Variants in FGF5 observed in about 807,000 individuals in gnomAD.
FGF5 encodes fibroblast growth factor 5.
FGF5 carries 23 observed loss-of-function variants against 21.8 expected under a neutral mutation model. The ratio of observed to expected loss-of-function variants is 1.05; its 90% confidence interval spans 0.76 to 1.49. FGF5 has a LOEUF of 1.49. FGF5 is among the 40% of genes most tolerant of loss of function. The pLI is 0.00. For missense variants in FGF5, 352 were observed against 332.9 expected (o/e 1.06, Z -0.45); for synonymous variants, 158 against 124.0 (o/e 1.27, Z -1.82).
At position 80,290,476 on chromosome 4, in the gene FGF5, A is replaced by G. The variant is rs1720868924; in HGVS notation, c.*3804A>G. The G allele has an allele frequency of 6.6e-6, 1 of 152,176 alleles. No individual in the cohort carries two copies. The highest frequency in any genetic ancestry group is 6.5e-5 in the Admixed American group (1 of 15,272). 9.4% of individuals were successfully genotyped at this position (152,176 alleles called of 1,614,324 possible). A position where few individuals can be genotyped will look rare whatever the true frequency, so the allele number is the denominator to read the frequency against. Reference sequence around the variant, plus strand: ...AAGTCTCAGGGGAGAAAAGGGAACAAGATGCTGATCCAACCTGAGTGGAGT... The same window carrying G: ...AAGTCTCAGGGGAGAAAAGGGAACAGGATGCTGATCCAACCTGAGTGGAGT... On this transcript the variant is annotated 3_prime_UTR_variant, in exon 3 of 3. Transcript: ENST00000312465.
intron 2 of FGF5, among the ~76,000 whole-genome samples, chr4:80,283,269 G>A (rs1413073432): frequency 7.3e-6 from 1 of 136,238 alleles, no homozygotes; most frequent in African/African-American, 2.7e-5. Context: ...TAGATCCTTA[G>A]AACTCTACAC....
At chr4:80,283,295 A>C (rs1218507138) in intron 2 of FGF5, among the ~76,000 whole-genome samples, 1 of 152,134 alleles carries the variant, frequency 6.6e-6, no homozygotes, top group Non-Finnish European at 1.5e-5. Flanking sequence ...TACCCTGGGT[A>C]ACAGTTAGGT....
intron 2 of FGF5, among the ~76,000 whole-genome samples, chr4:80,282,339 A>G (rs1207045250): frequency 1.3e-5 from 2 of 151,982 alleles, no homozygotes; most frequent in Non-Finnish European, 2.9e-5. Context: ...AAATAGTTCG[A>G]TTTGTTTAAA....
At position 80,289,614 on chromosome 4, in the gene FGF5, GA is replaced by G; in HGVS notation, c.*2943del. ...AATTATATTATGTTTAATTATTTAA[GA>G]TTTCTTTATGTGGAACATCTATAGA... On this transcript the variant is annotated 3_prime_UTR_variant, in exon 3 of 3. Coordinates refer to ENST00000312465, the MANE Select transcript of FGF5 (RefSeq NM_004464.4). The G allele has an allele frequency of 6.6e-6, 1 of 152,072 alleles. No homozygotes were observed. The highest frequency in any genetic ancestry group is 1.9e-4 in the East Asian group (1 of 5,182). 9.4% of individuals were successfully genotyped at this position (152,072 alleles called of 1,614,324 possible).
In FGF5 at chr4:80,290,362, G is replaced by T. The variant is rs936407539; in HGVS notation, c.*3690G>T. 1 of 151,888 alleles carries T rather than the reference G, an allele frequency of 6.6e-6. No individual in the cohort carries two copies. The highest frequency in any genetic ancestry group is 2.4e-5 in the African/African-American group (1 of 41,344). The allele number at this position is 151,888 out of a possible 1,614,324, so 9.4% of individuals were successfully genotyped here. On this transcript the variant is annotated 3_prime_UTR_variant, in exon 3 of 3. Coordinates refer to ENST00000312465, the MANE Select transcript of FGF5 (RefSeq NM_004464.4). Reference sequence around the variant, plus strand: ...ATTTTTTTTTGTAGTCAATCCAACTGTACTGGCCAATTTTTGAAATAAGAT... The same window carrying T: ...ATTTTTTTTTGTAGTCAATCCAACTTTACTGGCCAATTTTTGAAATAAGAT...
At position 80,269,602 on chromosome 4, in the gene FGF5, G is replaced by A. The variant is rs146014462; in HGVS notation, c.355+2423G>A. Among the ~76,000 whole-genome samples, 310 of 152,158 alleles carry A rather than the reference G, an allele frequency of 2.0e-3. 3 individuals carry two copies. In the East Asian group the frequency reaches 0.039, roughly 19 times the overall value. ...CAGGGATGTTTCCTAAAACAGTGCC[G>A]ACAAAAAGCTTAATTTAAACTTTTT... is the stretch of plus-strand genomic sequence containing the variant. On this transcript the variant is annotated intron_variant, in intron 1 of 2. Transcript: ENST00000312465.
At chr4:80,268,626 A>T (rs999587455) in intron 1 of FGF5, 2 of 538,900 alleles carry the variant, frequency 3.7e-6, no homozygotes, top group Non-Finnish European at 4.7e-6. Flanking sequence ...AATGCGGAAG[A>T]CCTGATGGTT....
chr4:80,286,724 A>G lies in FGF5; in HGVS notation c.*52A>G. On this transcript the variant is annotated 3_prime_UTR_variant, in exon 3 of 3. Transcript: ENST00000312465. ...ATTCTTTCCCCTCAGGAGTTTCTATAGGTGTCTTCAGAGTTCTGAAGAAAA... is the reference window on the plus strand; with the variant it reads ...ATTCTTTCCCCTCAGGAGTTTCTATGGGTGTCTTCAGAGTTCTGAAGAAAA... 1.4e-6 allele frequency: 2 copies of G among 1,426,832 alleles called. No homozygotes were observed. The highest frequency in any genetic ancestry group is 1.9e-6 in the Non-Finnish European group (2 of 1,030,112). 88.4% of individuals were successfully genotyped at this position (1,426,832 alleles called of 1,614,324 possible).
At position 80,291,007 on chromosome 4, in the gene FGF5, A is replaced by T. The variant is rs1472272912; in HGVS notation, c.*4335A>T. The stretch of plus-strand genomic sequence containing the variant: ...AGTGCTGCAATAAACATATGTGTGC[A>T]TGTGTCTTTATAGCAGCATGATTTA... On this transcript the variant is annotated 3_prime_UTR_variant, in exon 3 of 3. Coordinates refer to ENST00000312465, the MANE Select transcript of FGF5 (RefSeq NM_004464.4). 1 of 152,182 alleles carries T rather than the reference A, an allele frequency of 6.6e-6. No homozygotes were observed. Among genetic ancestry groups the T allele is most frequent in the Non-Finnish European group, 1.5e-5 (1 of 68,038 alleles). The allele number at this position is 152,182 out of a possible 1,614,324, so 9.4% of individuals were successfully genotyped here. A position where few individuals can be genotyped will look rare whatever the true frequency, so the allele number is the denominator to read the frequency against.
chr4:80,267,737 A>G (rs550742563), intron 1 of FGF5, among the ~76,000 whole-genome samples: 2 of 149,558 alleles, frequency 1.3e-5, no homozygotes, highest in East Asian at 3.9e-4. Flanking sequence ...ACATAGGTAG[A>G]TAGATAGATA....
chr4:80,271,083 TTGTC>T (rs1161115390), intron 1 of FGF5, among the ~76,000 whole-genome samples: 2 of 152,216 alleles, frequency 1.3e-5, no homozygotes, highest in African/African-American at 2.4e-5. Flanking sequence ...TAAAATATTT[TTGTC>T]TGGGGATTTT....
chr4:80,269,345 G>C (rs918951679), intron 1 of FGF5, among the ~76,000 whole-genome samples: 4 of 152,170 alleles, frequency 2.6e-5, no homozygotes, highest in Non-Finnish European at 4.4e-5. Context: ...ATCTCAGAAA[G>C]CAAGGCTCAT....
chr4:80,288,341 T>C lies in FGF5; in HGVS notation c.*1669T>C, dbSNP rs1348984903. 1 of 152,028 alleles carries C rather than the reference T, an allele frequency of 6.6e-6. No homozygotes were observed. The highest frequency in any genetic ancestry group is 2.4e-5 in the African/African-American group (1 of 41,418). The allele number at this position is 152,028 out of a possible 1,614,324, so 9.4% of individuals were successfully genotyped here. On this transcript the variant is annotated 3_prime_UTR_variant, in exon 3 of 3. Transcript: ENST00000312465. The stretch of plus-strand genomic sequence containing the variant: ...CACATATATATAACAAATAATATAT[T>C]AAAAAACCCATCCATCAACTAAAAC...
intron 2 of FGF5, among the ~76,000 whole-genome samples, chr4:80,275,686 A>T (rs1720391801): frequency 6.6e-6 from 1 of 152,020 alleles, no homozygotes; most frequent in Admixed American, 6.6e-5. Flanking sequence ...GAAAGTTCCC[A>T]TTACCTGGGA....
chr4:80,280,520 T>C (rs1720522166), intron 2 of FGF5, among the ~76,000 whole-genome samples: 1 of 152,240 alleles, frequency 6.6e-6, no homozygotes, highest in Admixed American at 6.5e-5. Context: ...TATAGTGTTA[T>C]GGAAAGACCC....
chr4:80,279,957 C>A (rs972586771), intron 2 of FGF5, among the ~76,000 whole-genome samples: 1 of 152,148 alleles, frequency 6.6e-6, no homozygotes, highest in African/African-American at 2.4e-5. Flanking sequence ...CAGAGGGTGC[C>A]AGCTGGCTTG....
rs983231020 is a variant in FGF5 at position 80,286,826 on chromosome 4, T to C, written c.*154T>C. The C allele has an allele frequency of 1.8e-5, 11 of 615,498 alleles. No individual in the cohort carries two copies. Among genetic ancestry groups the C allele is most frequent in the African/African-American group, 7.4e-5 (4 of 54,234 alleles). The allele number at this position is 615,498 out of a possible 1,614,324, so 38.1% of individuals were successfully genotyped here. On this transcript the variant is annotated 3_prime_UTR_variant, in exon 3 of 3. Transcript: ENST00000312465. ...TTGTTTCAATGTGACTGAAACAAAA[T>C]GTTTTTTGATAGGAAGGAAACTGGA...
chr4:80,273,153 G>A (rs765348180), intron 1 of FGF5, among the ~76,000 whole-genome samples: 1 of 150,990 alleles, frequency 6.6e-6, no homozygotes, highest in African/African-American at 2.4e-5. Context: ...TGAAGGAAAG[G>A]ATTTATACAG....
Position 80,287,248 on chromosome 4 carries a change from C to T in FGF5, c.*576C>T, listed in dbSNP as rs2109931721. 1.3e-5 allele frequency: 2 copies of T among 152,190 alleles called. 1 individual carries two copies. The highest frequency in any genetic ancestry group is 4.1e-4 in the South Asian group (2 of 4,822). 9.4% of individuals were successfully genotyped at this position (152,190 alleles called of 1,614,324 possible). On this transcript the variant is annotated 3_prime_UTR_variant, in exon 3 of 3. Coordinates refer to ENST00000312465, the MANE Select transcript of FGF5 (RefSeq NM_004464.4). ...AAATCTTTTACATTTTTCCTATTCA[C>T]TGCACTTTTTTATTGTTTTTATTTC...
Sources: gnomAD v4.1 joint callset for allele counts (sites outside exome capture counted in the v4.1 genomes callset) on GRCh38, gnomAD v4.1.1 for gene constraint, MANE v1.5 for transcripts, NCBI Gene and HGNC (gene_info 2026-07-23, HGNC 2026-07-21) for gene names.